The following KBTBD12 variants were observed in gnomAD, a reference collection of about 807,000 sequenced individuals.
The protein encoded by KBTBD12 is kelch repeat and BTB domain containing 12, also known as kelch repeat and BTB domain-containing protein 12.
A neutral mutation model predicts 58.7 loss-of-function variants in KBTBD12; 53 were observed. That is an observed-to-expected ratio of 0.90 (90% CI 0.72 to 1.14). KBTBD12 has a LOEUF of 1.14. Among genes scored for constraint, KBTBD12 ranks in the 50% most tolerant of loss-of-function variants. The pLI is 0.00. For synonymous variants in KBTBD12, 236 were observed against 259.8 expected, an observed-to-expected ratio of 0.91 and a Z score of 0.88; for missense variants, 704 against 751.3, an observed-to-expected ratio of 0.94 and a Z score of 0.74.
chr3:127,982,531 C>T (rs988705035), intron 5 of KBTBD12, among the ~76,000 whole-genome samples: 5 of 152,202 alleles, frequency 3.3e-5, no homozygotes, highest in Non-Finnish European at 7.3e-5. Context: ...TGGATTCTCC[C>T]GTGGCCTACA....
Position 127,984,512 on chromosome 3 carries a change from G to A in KBTBD12, c.*234G>A. The A allele has an allele frequency of 2.4e-6, 1 of 420,902 alleles. No individual in the cohort carries two copies. The highest frequency in any genetic ancestry group is 4.3e-6 in the Non-Finnish European group (1 of 230,758). 26.1% of individuals were successfully genotyped at this position (420,902 alleles called of 1,614,324 possible). ...AAAGAAGAGGTGATGACGGCCACAG[G>A]AGGGGCACAGGGCCACAGGAGAGCA... On this transcript the variant is annotated 3_prime_UTR_variant, in exon 6 of 6. Transcript: ENST00000405109.
chr3:127,923,097 A>G lies in KBTBD12; in HGVS notation c.36A>G (p.Gln12=). ...AGATTGAGGGAAAAGAAAAATACCA[A>G]CATAGCTTGAATTTACTGAATAAAA... ...ECKIEGKEKY[Q]HSLNLLNKIQ... is the part of the protein sequence containing the mutation. Residue 12 remains glutamine, a synonymous_variant, in exon 2 of 6, where the codon CAA becomes CAG. Transcript: ENST00000405109. 1 of 1,610,888 alleles carries G rather than the reference A, an allele frequency of 6.2e-7. No individual in the cohort carries two copies.
rs908064023 is a variant in KBTBD12 at position 127,940,425 on chromosome 3, A to C, written c.1492+10142A>C. On this transcript the variant is annotated intron_variant, in intron 4 of 5. Transcript: ENST00000405109. ...CCACAGTGGAACATAAGGATAACTG[A>C]ATAGTCTTCAAATACTTGAAAATTG... is the stretch of plus-strand genomic sequence containing the variant. Among the ~76,000 whole-genome samples the C allele has an allele frequency of 5.3e-5, 8 of 152,186 alleles. No homozygotes were observed. The East Asian group carries it at 1.5e-3, about 29-fold the overall frequency.
chr3:127,965,970 T>C (rs1940558706), intron 5 of KBTBD12, among the ~76,000 whole-genome samples: 1 of 152,046 alleles, frequency 6.6e-6, no homozygotes, highest in African/African-American at 2.4e-5. Flanking sequence ...CTGTGGACAT[T>C]GAAATGAAAA....
rs1939679013 is a variant in KBTBD12, at chr3:127,930,613, T to C, written c.1492+330T>C. Among the ~76,000 whole-genome samples the C allele has an allele frequency of 2.0e-5, 3 of 152,212 alleles. 1 individual carries two copies. In the South Asian group the frequency reaches 6.2e-4, roughly 32 times the overall value. On this transcript the variant is annotated intron_variant, in intron 4 of 5. Coordinates refer to ENST00000405109, the MANE Select transcript of KBTBD12 (RefSeq NM_207335.4). The stretch of plus-strand genomic sequence containing the variant: ...TTGGTCACTTTTAGTCAATGAAATG[T>C]GGGCTTTGCACCAACTGTGATGGAT...
intron 4 of KBTBD12, among the ~76,000 whole-genome samples, chr3:127,955,533 G>A (rs1239050250): frequency 6.6e-5 from 10 of 152,286 alleles, no homozygotes; most frequent in Middle Eastern, 3.4e-3. Flanking sequence ...AAAAGTGTAA[G>A]TCTCAAATTA....
intron 4 of KBTBD12, among the ~76,000 whole-genome samples, chr3:127,933,179 A>G (rs941423430): frequency 6.6e-6 from 1 of 152,194 alleles, no homozygotes; most frequent in African/African-American, 2.4e-5. Flanking sequence ...CAAATTGAGA[A>G]TAGTTTCTTT....
At chr3:127,922,379 A>G (rs1939432094) in intron 1 of KBTBD12, among the ~76,000 whole-genome samples, 1 of 152,180 alleles carries the variant, frequency 6.6e-6, no homozygotes, top group South Asian at 2.1e-4. Context: ...CCCAGTAGAT[A>G]TAATCTTTGT....
intron 4 of KBTBD12, among the ~76,000 whole-genome samples, chr3:127,952,794 G>A (rs1239165032): frequency 6.6e-6 from 1 of 152,130 alleles, no homozygotes. Flanking sequence ...ACCACCACAG[G>A]GAAAGATTTA....
chr3:127,961,754 T>G (rs1940443755), intron 4 of KBTBD12, among the ~76,000 whole-genome samples: 1 of 152,180 alleles, frequency 6.6e-6, no homozygotes, highest in South Asian at 2.1e-4. Context: ...TGTCAGGCAC[T>G]GGGCTAGGTA....
intron 5 of KBTBD12, among the ~76,000 whole-genome samples, chr3:127,970,398 A>G (rs1222187082): frequency 6.6e-6 from 1 of 152,192 alleles, no homozygotes; most frequent in African/African-American, 2.4e-5. Context: ...GAGTTGCCAT[A>G]CGATGCAGCA....
rs1939503591 is a variant in KBTBD12 at position 127,924,032 on chromosome 3, G to A, written c.971G>A (p.Cys324Tyr). The change falls in exon 2 of 6, where the codon TGT becomes TAT. Residue 324 changes from cysteine (C) to tyrosine (Y), a missense_variant. Physicochemically the swap from Cys to Tyr is radical, Grantham distance 194. Transcript: ENST00000405109. ...PKYGEGLGTV[C>Y]TGVVMENNTI... ...TACGGAGAGGGTTTAGGAACTGTGT[G>A]TACTGGTGTTGTCATGGAAAATAAT... 6.2e-7 allele frequency: 1 copy of A among 1,613,716 alleles called. No individual in the cohort carries two copies. Among genetic ancestry groups the A allele is most frequent in the Non-Finnish European group, 8.5e-7 (1 of 1,179,672 alleles).
Position 127,987,065 on chromosome 3 carries a change from A to T in KBTBD12, c.*2787A>T, listed in dbSNP as rs183961545. The T allele has an allele frequency of 8.6e-3, 1,317 of 152,432 alleles. 9 individuals carry two copies. The highest frequency in any genetic ancestry group is 0.013 in the Non-Finnish European group (888 of 68,100). The allele number at this position is 152,432 out of a possible 1,614,324, so 9.4% of individuals were successfully genotyped here. On this transcript the variant is annotated 3_prime_UTR_variant, in exon 6 of 6. Transcript: ENST00000405109. ...CAGAGAGTGCCAAGGGAGGACCGAG[A>T]AGGGGCATGACCTCTGCTGGAGCCA... is the stretch of plus-strand genomic sequence containing the variant.
chr3:127,946,379 C>A (rs1940082853), intron 4 of KBTBD12, among the ~76,000 whole-genome samples: 1 of 152,114 alleles, frequency 6.6e-6, no homozygotes, highest in East Asian at 1.9e-4. Flanking sequence ...TCTTCATTTT[C>A]AAGGTATATG....
intron 1 of KBTBD12, among the ~76,000 whole-genome samples, chr3:127,918,792 T>C (rs1395333610): frequency 1.4e-4 from 22 of 151,946 alleles, no homozygotes; most frequent in South Asian, 6.2e-4. Context: ...TTGGTACTAC[T>C]CAAAGATTGA....
chr3:127,970,198 T>G (rs1940656596), intron 5 of KBTBD12, among the ~76,000 whole-genome samples: 2 of 152,230 alleles, frequency 1.3e-5, no homozygotes, highest in South Asian at 4.2e-4. Context: ...CATTAGCCAT[T>G]AAGAAAATGC....
chr3:127,923,806 A>T lies in KBTBD12; in HGVS notation c.745A>T (p.Ile249Leu), dbSNP rs768405789. The T allele has an allele frequency of 1.2e-6, 2 of 1,613,964 alleles. No homozygotes were observed. Among genetic ancestry groups the T allele is most frequent in the Non-Finnish European group, 1.7e-6 (2 of 1,179,844 alleles). ...TCTGTGTGATGCAGATTGTGTTGACATAATTCAAAATGCATTCAAAGCCAT... is the reference window on the plus strand; with the variant it reads ...TCTGTGTGATGCAGATTGTGTTGACTTAATTCAAAATGCATTCAAAGCCAT... ...MLLCDADCVDIIQNAFKAIKT... is the reference protein window; with the variant it reads ...MLLCDADCVDLIQNAFKAIKT... Residue 249 changes from isoleucine (I) to leucine (L), a missense_variant, in exon 2 of 6, where the codon ATA (isoleucine) becomes TTA (leucine). Ile to Leu is a conservative substitution (Grantham distance 5). Transcript: ENST00000405109.
chr3:127,983,204 C>G (rs1335826535), intron 5 of KBTBD12, among the ~76,000 whole-genome samples: 4 of 152,220 alleles, frequency 2.6e-5, no homozygotes, highest in Non-Finnish European at 5.9e-5. Context: ...TCTTAGAAAT[C>G]AGGAACACTG....
intron 5 of KBTBD12, among the ~76,000 whole-genome samples, chr3:127,973,943 C>T (rs977274768): frequency 1.3e-5 from 2 of 152,048 alleles, no homozygotes; most frequent in Non-Finnish European, 1.5e-5. Flanking sequence ...CCAGCCACAC[C>T]CTGGAGAAAT....
Sources: gnomAD v4.1 joint callset for allele counts (sites outside exome capture counted in the v4.1 genomes callset) on GRCh38, gnomAD v4.1.1 for gene constraint, MANE v1.5 for transcripts, NCBI Gene and HGNC (gene_info 2026-07-23, HGNC 2026-07-21) for gene names.